Variants in ROR1 observed in about 807,000 individuals in gnomAD.
ROR1 encodes the protein inactive tyrosine-protein kinase transmembrane receptor ROR1.
Under a neutral mutation model 78.8 loss-of-function variants are expected in ROR1, and 19 were observed. The ratio of observed to expected loss-of-function variants is 0.24; its 90% CI spans 0.17 to 0.35. The LOEUF (loss-of-function observed/expected upper bound fraction) is 0.35. ROR1 is among the 10% of genes least tolerant of loss of function. ROR1 has a pLI of 1.00. For missense variants in ROR1, 917 were observed against 1,177.8 expected (o/e 0.78, Z 3.24); for synonymous variants, 386 against 433.6 (o/e 0.89, Z 1.36).
At chr1:63,889,293 C>T (rs1645378352) in intron 1 of ROR1, among the ~76,000 whole-genome samples, 1 of 152,138 alleles carries the variant, frequency 6.6e-6, no homozygotes, top group South Asian at 2.1e-4. Context: ...GGAGGGACTA[C>T]ACAAGGATGT....
At chr1:64,168,022 T>G (rs548321344) in intron 8 of ROR1, among the ~76,000 whole-genome samples, 1 of 152,344 alleles carries the variant, frequency 6.6e-6, no homozygotes, top group Admixed American at 6.5e-5. Flanking sequence ...TAGTTGTGCT[T>G]CTTTAGGCAG....
intron 1 of ROR1, among the ~76,000 whole-genome samples, chr1:63,961,534 G>A (rs1266717987): frequency 2.0e-5 from 3 of 152,130 alleles, no homozygotes; most frequent in South Asian, 2.1e-4. Flanking sequence ...GTCATTTGTG[G>A]CAACATGGGT....
chr1:64,119,002 A>C (rs1224832625), intron 4 of ROR1, among the ~76,000 whole-genome samples: 1 of 152,214 alleles, frequency 6.6e-6, no homozygotes, highest in African/African-American at 2.4e-5. Context: ...TCACCTTGAC[A>C]GGTCATCTCT....
At chr1:64,160,770 G>A (rs1649917731) in intron 8 of ROR1, among the ~76,000 whole-genome samples, 1 of 152,086 alleles carries the variant, frequency 6.6e-6, no homozygotes, top group Non-Finnish European at 1.5e-5. Context: ...ATTGTTCCAT[G>A]AGACTCTTTC....
intron 1 of ROR1, among the ~76,000 whole-genome samples, chr1:63,842,675 G>A (rs964626065): frequency 6.6e-6 from 1 of 151,944 alleles, no homozygotes; most frequent in Non-Finnish European, 1.5e-5. Context: ...TGTTCCCTTT[G>A]CTCCTTCTTT....
chr1:64,040,703 G>A (rs1486631057), intron 2 of ROR1, among the ~76,000 whole-genome samples: 5 of 152,134 alleles, frequency 3.3e-5, no homozygotes, highest in African/African-American at 1.2e-4. Flanking sequence ...AGGAGAGGCA[G>A]GGGATGTCCC....
At chr1:64,085,758 G>A (rs1281418195) in intron 4 of ROR1, among the ~76,000 whole-genome samples, 1 of 152,050 alleles carries the variant, frequency 6.6e-6, no homozygotes, top group African/African-American at 2.4e-5. Context: ...GTTCTATAAG[G>A]TGCTAAATTA....
chr1:63,805,115 G>T lies in ROR1; in HGVS notation c.91+30607G>T, dbSNP rs1463434060. ...GATTCTGCTCCCCTGTAAGAAAAGTGCATGATTTAATTAGTGGATGAAAGA... is the reference window on the plus strand; with the variant it reads ...GATTCTGCTCCCCTGTAAGAAAAGTTCATGATTTAATTAGTGGATGAAAGA... On this transcript the variant is annotated intron_variant, in intron 1 of 8. Coordinates refer to ENST00000371079, the MANE Select transcript of ROR1 (RefSeq NM_005012.4). 2.0e-5 allele frequency among the ~76,000 whole-genome samples: 3 copies of T among 152,214 alleles called. No individual in the cohort carries two copies. The East Asian group carries it at 5.8e-4, about 29-fold the overall frequency.
intron 8 of ROR1, among the ~76,000 whole-genome samples, chr1:64,167,788 CA>C (rs1443735947): frequency 6.6e-6 from 1 of 152,186 alleles, no homozygotes; most frequent in Admixed American, 6.5e-5. Context: ...CTATCCCAGT[CA>C]ACTAGCTAGC....
chr1:64,130,066 G>A (rs1221197876), intron 4 of ROR1, among the ~76,000 whole-genome samples: 3 of 152,078 alleles, frequency 2.0e-5, no homozygotes, highest in Non-Finnish European at 4.4e-5. Context: ...ACAGGTCGAG[G>A]GACTCTTTAG....
chr1:63,982,655 C>T (rs1250906904), intron 1 of ROR1, among the ~76,000 whole-genome samples: 9 of 152,090 alleles, frequency 5.9e-5, no homozygotes, highest in African/African-American at 2.2e-4. Flanking sequence ...TAATTAAATG[C>T]CCTTACAGAC....
At chr1:63,912,328 A>G (rs1028607336) in intron 1 of ROR1, among the ~76,000 whole-genome samples, 8 of 151,604 alleles carry the variant, frequency 5.3e-5, no homozygotes, top group Non-Finnish European at 2.9e-5. Context: ...AACAGAAGAC[A>G]TGGTCCTGAT....
At chr1:64,135,034 A>G (rs142023239) in intron 4 of ROR1, among the ~76,000 whole-genome samples, 293 of 152,112 alleles carry the variant, frequency 1.9e-3, no homozygotes, top group African/African-American at 6.5e-3. Flanking sequence ...CGATTCTCAT[A>G]AGGAGCCAAG....
At chr1:64,013,466 A>G (rs1022169632) in intron 2 of ROR1, among the ~76,000 whole-genome samples, 1 of 152,166 alleles carries the variant, frequency 6.6e-6, no homozygotes, top group African/African-American at 2.4e-5. Context: ...TTCCCTAAAC[A>G]TACCATTCTC....
intron 4 of ROR1, among the ~76,000 whole-genome samples, chr1:64,128,977 T>G (rs917424484): frequency 6.6e-6 from 1 of 152,198 alleles, no homozygotes; most frequent in African/African-American, 2.4e-5. Flanking sequence ...AATCATTATT[T>G]TAATGTGAAT....
intron 1 of ROR1, among the ~76,000 whole-genome samples, chr1:63,861,051 A>G (rs1250016856): frequency 6.6e-6 from 1 of 152,082 alleles, no homozygotes; most frequent in Non-Finnish European, 1.5e-5. Flanking sequence ...GTTTTGAGTG[A>G]GTTAAATTAG....
chr1:64,107,116 A>G (rs899840544), intron 4 of ROR1: 1 of 152,258 alleles, frequency 6.6e-6, no homozygotes, highest in Non-Finnish European at 1.5e-5. Context: ...AGTCAGAGGT[A>G]CAATTTATTA....
At chr1:64,136,575 C>T (rs1408860099) in intron 4 of ROR1, among the ~76,000 whole-genome samples, 1 of 152,134 alleles carries the variant, frequency 6.6e-6, no homozygotes, top group Non-Finnish European at 1.5e-5. Flanking sequence ...TCTTCATCTC[C>T]AGCCTTAGAT....
chr1:63,908,809 C>T lies in ROR1; in HGVS notation c.92-100496C>T, dbSNP rs115495360. 1.8e-3 allele frequency among the ~76,000 whole-genome samples: 274 copies of T among 152,320 alleles called. 2 individuals are homozygous for T. The highest frequency in any genetic ancestry group is 6.3e-3 in the African/African-American group (261 of 41,572). On this transcript the variant is annotated intron_variant, in intron 1 of 8. Coordinates refer to ENST00000371079, the MANE Select transcript of ROR1 (RefSeq NM_005012.4). ...CCTGGTGCAGCAGAACCCAGCAGTG[C>T]CAGCAGCCAGGCCTGATCCGGCCCC...
Sources: allele counts gnomAD v4.1 joint callset (sites outside exome capture counted in the v4.1 genomes callset), GRCh38; gene constraint gnomAD v4.1.1; transcripts MANE v1.5; gene names NCBI Gene and HGNC (gene_info 2026-07-23, HGNC 2026-07-21).